PROSER3: variants seen among roughly 807,000 people sequenced by gnomAD.
PROSER3 encodes the protein proline and serine-rich protein 3.
Under a neutral mutation model 50.2 loss-of-function variants are expected in PROSER3, and 33 were observed. The ratio of observed to expected loss-of-function variants is 0.66; its 90% CI spans 0.50 to 0.88. PROSER3 has a LOEUF of 0.88. PROSER3 is among the 40% of genes least tolerant of loss of function. PROSER3 has a pLI of 0.00. For missense variants in PROSER3, 623 were observed against 612.7 expected, an observed-to-expected ratio of 1.02 and a Z score of -0.18; for synonymous variants, 266 against 259.3, an observed-to-expected ratio of 1.03 and a Z score of -0.25.
rs114995840 is a variant in PROSER3 at position 35,764,982 on chromosome 19, G to A, written c.626+46G>A. 2.8e-3 allele frequency: 4,557 copies of A among 1,612,678 alleles called. 111 individuals are homozygous for A. The African/African-American group carries it at 0.054, about 19-fold the overall frequency. ...ATCACCCTTCCTACTGCGGCTCCAC[G>A]TGGCCCAGGTCTCGAGACCTCCATT... On this transcript the variant is annotated intron_variant, in intron 6 of 10. Coordinates refer to ENST00000396908, the Ensembl canonical transcript of PROSER3.
At chr19:35,767,230 C>A in intron 8 of PROSER3, 1 of 406,074 alleles carries the variant, frequency 2.5e-6, no homozygotes, top group Non-Finnish European at 4.4e-6. Flanking sequence ...TTTGGGCCCC[C>A]AGCTCCCACG....
chr19:35,758,219 G>A, exon 1 of PROSER3: 2 of 1,562,106 alleles, frequency 1.3e-6, no homozygotes, highest in Non-Finnish European at 1.7e-6. Flanking sequence ...CCGCGGGATG[G>A]ACCGCAGGTG....
chr19:35,763,173 G>A (rs1971014429), intron 5 of PROSER3: 1 of 151,988 alleles, frequency 6.6e-6, no homozygotes, highest in Non-Finnish European at 1.5e-5. Flanking sequence ...AATAATGTTG[G>A]GAGAGACCCA....
exon 11 of PROSER3, chr19:35,768,611 T>C (rs1971254725): frequency 6.7e-7 from 1 of 1,502,412 alleles, no homozygotes; most frequent in Non-Finnish European, 8.8e-7. Context: ...ACTGGTTATC[T>C]GTGAGAAAGG....
At chr19:35,760,939 A>G (rs1360819986) in intron 3 of PROSER3, among the ~76,000 whole-genome samples, 1 of 152,224 alleles carries the variant, frequency 6.6e-6, no homozygotes, top group Non-Finnish European at 1.5e-5. Flanking sequence ...GTCCCAAATT[A>G]ATTATGGCTG....
intron 7 of PROSER3, among the ~76,000 whole-genome samples, chr19:35,766,540 A>G (rs1303823949): frequency 2.6e-5 from 4 of 152,108 alleles, no homozygotes; most frequent in Non-Finnish European, 4.4e-5. Flanking sequence ...CTATATATAT[A>G]TAATGAACAA....
At chr19:35,768,317 C>A in intron 10 of PROSER3, 81 bp downstream of exon 10, 1 of 1,579,704 alleles carries the variant, frequency 6.3e-7, no homozygotes, top group Non-Finnish European at 8.6e-7. Flanking sequence ...CAGCCCTCCT[C>A]ATCCCCTGTC....
At position 35,759,776 on chromosome 19, in the gene PROSER3, T is replaced by G. The variant is rs925465516; in HGVS notation, c.109-13T>G. 3.2e-6 allele frequency: 5 copies of G among 1,553,348 alleles called. No homozygotes were observed. Among genetic ancestry groups the G allele is most frequent in the Non-Finnish European group, 2.6e-6 (3 of 1,147,546 alleles). On this transcript the variant is annotated splice_polypyrimidine_tract_variant and intron_variant, in intron 2 of 10. Transcript: ENST00000396908. ...CTCACACTTTTTCTTCTTGTGCTCT[T>G]CCCTGATCTTAGACCCTGAGCCCAT... is the stretch of plus-strand genomic sequence containing the variant.
At chr19:35,759,766 C>T in intron 2 of PROSER3, 23 bp from the exon 3 acceptor site, 2 of 1,545,774 alleles carry the variant, frequency 1.3e-6, no homozygotes, top group Non-Finnish European at 1.8e-6. Flanking sequence ...ACTTTTTCTT[C>T]TTGTGCTCTT....
intron 8 of PROSER3, chr19:35,767,125 T>G (rs993737130): frequency 1.2e-6 from 1 of 867,262 alleles, no homozygotes; most frequent in Non-Finnish European, 1.7e-6. Context: ...AGCCTAACCA[T>G]GTCCCACTGT....
At position 35,768,148 on chromosome 19, in the gene PROSER3, G is replaced by C. The variant is rs779537453; in HGVS notation, c.1220-7G>C. 3 of 1,612,474 alleles carry C rather than the reference G, an allele frequency of 1.9e-6. No homozygotes were observed. Among genetic ancestry groups the C allele is most frequent in the Non-Finnish European group, 1.7e-6 (2 of 1,179,086 alleles). The stretch of plus-strand genomic sequence containing the variant: ...CCTTGGAGCTCATTCTTTTCTCCCC[G>C]GCCCAGACTCCGACGGCAGCGAGTT... On this transcript the variant is annotated splice_polypyrimidine_tract_variant and splice_region_variant and intron_variant, in intron 9 of 10. Transcript: ENST00000396908.
chr19:35,770,266 A>AACCTCAGGTGTCCCACCC (rs546778845), downstream of PROSER3, among the ~76,000 whole-genome samples: 128 of 151,652 alleles, frequency 8.4e-4, no homozygotes, highest in African/African-American at 3.0e-3. Context: ...TCGAACTCCT[A>AACCTCAGGTGTCCCACCC]ACCTCAGGTG....
chr19:35,759,671 C>T (rs2146554344), intron 2 of PROSER3, 118 bp from the exon 3 acceptor site: 2 of 1,094,388 alleles, frequency 1.8e-6, no homozygotes, highest in Admixed American at 4.6e-5. Flanking sequence ...AGGTTGTTAT[C>T]ATTACAGGAT....
chr19:35,764,873 C>G lies in PROSER3; in HGVS notation c.563C>G (p.Ser188Ter). The G allele has an allele frequency of 6.2e-7, 1 of 1,613,666 alleles. No homozygotes were observed. The highest frequency in any genetic ancestry group is 8.5e-7 in the Non-Finnish European group (1 of 1,179,786). The stretch of plus-strand genomic sequence containing the variant: ...CTGCAGAACCTCCACACATGGAACT[C>G]ATCCCTGCTGGACCTGGAGACGCTG... The change falls in exon 6 of 11, where the codon TCA becomes TGA. Residue 188 changes from serine (S) to a stop codon, truncating the protein, a stop_gained. Transcript: ENST00000396908. LOFTEE classifies it high-confidence loss of function.
At chr19:35,763,948 A>G (rs1568411064) in intron 5 of PROSER3, among the ~76,000 whole-genome samples, 1 of 151,172 alleles carries the variant, frequency 6.6e-6, no homozygotes. Flanking sequence ...CACCATGCCC[A>G]GCTAATTTTT....
chr19:35,763,834 G>A (rs1004049197), intron 5 of PROSER3, among the ~76,000 whole-genome samples: 12 of 147,580 alleles, frequency 8.1e-5, no homozygotes, highest in African/African-American at 2.8e-4. Flanking sequence ...AATTAGATAG[G>A]GTCTTACTCT....
At chr19:35,768,720 C>T in exon 11 of PROSER3, 1 of 654,236 alleles carries the variant, frequency 1.5e-6, no homozygotes, top group Non-Finnish European at 2.3e-6. Flanking sequence ...CCTTCCTGAC[C>T]ACGGAAACAA....
At chr19:35,767,854 A>G (rs756338782) in exon 9 of PROSER3, 2 of 1,612,648 alleles carry the variant, frequency 1.2e-6, no homozygotes, top group African/African-American at 2.7e-5. Context: ...GGTCAGTGAT[A>G]CGGAAGAGCG....
At chr19:35,759,182 T>C in intron 1 of PROSER3, 192 bp from the exon 2 acceptor site, 1 of 581,406 alleles carries the variant, frequency 1.7e-6, no homozygotes, top group South Asian at 2.0e-5. Flanking sequence ...TTAAGACTGC[T>C]CCAGGGGCGG....
Sources: allele counts gnomAD v4.1 joint callset (sites outside exome capture counted in the v4.1 genomes callset), GRCh38; gene constraint gnomAD v4.1.1; transcripts MANE v1.5; gene names NCBI Gene and HGNC (gene_info 2026-07-23, HGNC 2026-07-21).